PEX7: variants seen among roughly 807,000 people sequenced by gnomAD.
PEX7 encodes peroxisomal biogenesis factor 7.
In PEX7, 34 loss-of-function variants were observed where a neutral mutation model predicts 47.5. That is an observed-to-expected ratio of 0.72 (90% CI 0.54 to 0.95). The LOEUF is 0.95. PEX7 is among the 40% of genes least tolerant of loss of function. The pLI is 0.00. For missense variants in PEX7, 394 were observed against 400.3 expected (o/e 0.98, Z 0.13); for synonymous variants, 141 against 148.8 (o/e 0.95, Z 0.38).
chr6:136,823,150 C>T, intron 1 of PEX7: 6 of 985,394 alleles, frequency 6.1e-6, no homozygotes, highest in Non-Finnish European at 4.8e-6. Flanking sequence ...GATCGGTCCG[C>T]TCGGCACAGC....
At chr6:136,848,403 G>A (rs1225985930) in intron 5 of PEX7, among the ~76,000 whole-genome samples, 4 of 152,160 alleles carry the variant, frequency 2.6e-5, no homozygotes, top group Non-Finnish European at 5.9e-5. Context: ...GTGAGAGAGG[G>A]CATCCCTATC....
chr6:136,822,893 C>G, intron 1 of PEX7, 98 bp downstream of exon 1: 1 of 1,217,498 alleles, frequency 8.2e-7, no homozygotes, highest in Non-Finnish European at 1.0e-6. Flanking sequence ...CCCCTCTGAG[C>G]GTAGACGGTT....
At chr6:136,831,585 C>T (rs576283505) in intron 3 of PEX7, among the ~76,000 whole-genome samples, 2 of 152,370 alleles carry the variant, frequency 1.3e-5, no homozygotes, top group African/African-American at 4.8e-5. Context: ...TCCAAAGTCT[C>T]ATCTGAGACA....
chr6:136,848,847 A>G (rs1236099006), intron 5 of PEX7, among the ~76,000 whole-genome samples: 1 of 152,154 alleles, frequency 6.6e-6, no homozygotes, highest in Non-Finnish European at 1.5e-5. Context: ...CTTTGGTATC[A>G]GTATGCTGCT....
rs1775685682 is a variant in PEX7 at position 136,898,187 on chromosome 6, G to T, written c.849G>T (p.Glu283Asp). 1 of 1,612,446 alleles carries T rather than the reference G, an allele frequency of 6.2e-7. No homozygotes were observed. The highest frequency in any genetic ancestry group is 1.1e-5 in the South Asian group (1 of 91,040). Residue 283 changes from glutamate (E) to aspartate (D), a missense_variant, in exon 9 of 10, where the codon GAG becomes GAT. Physicochemically the swap from Glu to Asp is conservative, Grantham distance 45. Transcript: ENST00000318471. The stretch of plus-strand genomic sequence containing the variant: ...CTGACTCTCTTCTTGAAACAGTGGA[G>T]CATCATACAGAGTTTACTTGTGGTT... ...SKPDSLLETV[E>D]HHTEFTCGLD...
chr6:136,878,574 G>C (rs368195217), intron 8 of PEX7, among the ~76,000 whole-genome samples: 3 of 152,080 alleles, frequency 2.0e-5, no homozygotes, highest in Admixed American at 6.6e-5. Flanking sequence ...TTTTGTCATT[G>C]GTTCTGTTTA....
chr6:136,837,411 T>C (rs1487824228), intron 3 of PEX7, among the ~76,000 whole-genome samples: 1 of 147,454 alleles, frequency 6.8e-6, no homozygotes, highest in South Asian at 2.2e-4. Flanking sequence ...AAAAGCGTTA[T>C]GAGAATAAAG....
At chr6:136,857,320 A>G (rs1774878924) in intron 5 of PEX7, among the ~76,000 whole-genome samples, 1 of 152,258 alleles carries the variant, frequency 6.6e-6, no homozygotes, top group Non-Finnish European at 1.5e-5. Flanking sequence ...TTTGATAGTT[A>G]TTATATAAGA....
intron 8 of PEX7, among the ~76,000 whole-genome samples, chr6:136,892,909 C>CTAT (rs1397167775): frequency 6.6e-6 from 1 of 152,178 alleles, no homozygotes; most frequent in Admixed American, 6.5e-5. Context: ...GTCCAAGCTG[C>CTAT]TATTACCTCT....
intron 8 of PEX7, among the ~76,000 whole-genome samples, chr6:136,874,668 C>CAAA (rs770483004): frequency 1.3e-4 from 7 of 54,950 alleles, no homozygotes; most frequent in Non-Finnish European, 2.4e-4. Flanking sequence ...GACTTTGCCT[C>CAAA]AAAAAAAAAA....
At chr6:136,832,400 G>A (rs367927021) in intron 3 of PEX7, among the ~76,000 whole-genome samples, 1 of 152,260 alleles carries the variant, frequency 6.6e-6, no homozygotes, top group African/African-American at 2.4e-5. Flanking sequence ...CTGGGCCTGT[G>A]ATGGGAGGGG....
chr6:136,860,533 G>A lies in PEX7; in HGVS notation c.527-6094G>A, dbSNP rs997978990. On this transcript the variant is annotated intron_variant, in intron 5 of 9. Coordinates refer to ENST00000318471, the MANE Select transcript of PEX7 (RefSeq NM_000288.4). ...GGCCTGTTGTGGGGTGGGGGAAGGC[G>A]GGAGGGATAGCATTAGGAGATATAC... Among the ~76,000 whole-genome samples the A allele has an allele frequency of 4.6e-5, 7 of 151,328 alleles. No individual in the cohort carries two copies. The East Asian group carries it at 9.7e-4, about 21-fold the overall frequency.
chr6:136,898,350 C>G (rs1775689734), intron 9 of PEX7, 109 bp downstream of exon 9: 2 of 756,796 alleles, frequency 2.6e-6, no homozygotes, highest in Non-Finnish European at 4.8e-6. Flanking sequence ...GCTATATAAG[C>G]TGGAGCGTTT....
chr6:136,883,038 G>A (rs2115249194), intron 8 of PEX7, among the ~76,000 whole-genome samples: 1 of 152,274 alleles, frequency 6.6e-6, no homozygotes, highest in East Asian at 1.9e-4. Context: ...TTTTGCTTTT[G>A]AAGTGATTTG....
intron 1 of PEX7, chr6:136,823,143 C>G (rs776705036): frequency 1.2e-4 from 114 of 985,292 alleles, no homozygotes; most frequent in Non-Finnish European, 1.3e-4. Context: ...TCCCTTGGAT[C>G]GGTCCGCTCG....
chr6:136,850,917 GTTTTTTTT>G (rs35220728), intron 5 of PEX7, among the ~76,000 whole-genome samples: 1 of 69,168 alleles, frequency 1.4e-5, no homozygotes, highest in Non-Finnish European at 2.6e-5. Context: ...AAAACTGATG[GTTTTTTTT>G]TTTTTTTTTT....
chr6:136,898,713 A>T (rs1775696073), intron 9 of PEX7, among the ~76,000 whole-genome samples: 1 of 152,100 alleles, frequency 6.6e-6, no homozygotes, highest in South Asian at 2.1e-4. Flanking sequence ...GTAAAATAGA[A>T]TGTCTGCTAT....
At chr6:136,865,939 T>C (rs977187733) in intron 5 of PEX7, among the ~76,000 whole-genome samples, 5 of 151,856 alleles carry the variant, frequency 3.3e-5, no homozygotes, top group Non-Finnish European at 7.4e-5. Context: ...AAAAATTAGC[T>C]GGGCGTGGTG....
intron 7 of PEX7, among the ~76,000 whole-genome samples, chr6:136,871,059 G>A (rs1289809016): frequency 6.6e-6 from 1 of 152,150 alleles, no homozygotes; most frequent in African/African-American, 2.4e-5. Context: ...ATGCAACATA[G>A]GAGACACAGT....
Sources: allele counts gnomAD v4.1 joint callset (sites outside exome capture counted in the v4.1 genomes callset), GRCh38; gene constraint gnomAD v4.1.1; transcripts MANE v1.5; gene names NCBI Gene and HGNC (gene_info 2026-07-23, HGNC 2026-07-21).